Variants in DAB1 observed in about 807,000 individuals in gnomAD.
DAB1 encodes the protein DAB adaptor protein 1, also known as disabled homolog 1.
DAB1 carries 15 observed loss-of-function variants against 64.6 expected under a neutral mutation model. That is an observed-to-expected ratio of 0.23 (90% CI 0.16 to 0.36). The LOEUF is 0.36. DAB1 is among the 10% of genes least tolerant of loss of function. The pLI, the probability that DAB1 is intolerant of heterozygous loss-of-function variation, is 1.00. For missense variants in DAB1, 596 were observed against 706.7 expected (o/e 0.84, Z 1.78); for synonymous variants, 235 against 251.9 (o/e 0.93, Z 0.64).
chr1:57,556,713 T>C (rs1644993101), intron 7 of DAB1, among the ~76,000 whole-genome samples: 1 of 152,242 alleles, frequency 6.6e-6, no homozygotes, highest in Non-Finnish European at 1.5e-5. Flanking sequence ...GTGGAGATTT[T>C]CTCCCACTCT....
intron 4 of DAB1, among the ~76,000 whole-genome samples, chr1:58,320,283 C>G (rs1405884008): frequency 6.6e-6 from 1 of 152,208 alleles, no homozygotes; most frequent in Admixed American, 6.5e-5. Flanking sequence ...CAAGTAAGTT[C>G]TGAAAGCATC....
intron 7 of DAB1, among the ~76,000 whole-genome samples, chr1:57,646,664 G>A (rs1319216008): frequency 3.9e-5 from 6 of 152,234 alleles, no homozygotes; most frequent in East Asian, 1.9e-4. Context: ...TGGGAGGATC[G>A]CTTGAGCCCA....
intron 4 of DAB1, among the ~76,000 whole-genome samples, chr1:57,091,591 A>G (rs148959444): frequency 6.7e-4 from 102 of 152,312 alleles, no homozygotes; most frequent in Non-Finnish European, 9.6e-4. Context: ...TGCTTTTTCT[A>G]TATCATCTTG....
rs1160467857 is a variant in DAB1, at chr1:56,997,646, T to C, written c.*498A>G. On this transcript the variant is annotated 3_prime_UTR_variant, in exon 15 of 15. Transcript: ENST00000371236. ...ACATCATCCTATGTGAAAAGGCATA[T>C]GGATGACGATATTGTGGTCACAGAA... is the stretch of plus-strand genomic sequence containing the variant. The C allele has an allele frequency of 6.6e-6, 1 of 152,168 alleles. No homozygotes were observed. The highest frequency in any genetic ancestry group is 1.5e-5 in the Non-Finnish European group (1 of 68,040). The allele number at this position is 152,168 out of a possible 1,614,324, so 9.4% of individuals were successfully genotyped here. A position where few individuals can be genotyped will look rare whatever the true frequency, so the allele number is the denominator to read the frequency against.
chr1:57,670,359 A>T (rs1036416936), intron 6 of DAB1, among the ~76,000 whole-genome samples: 1 of 152,094 alleles, frequency 6.6e-6, no homozygotes, highest in Admixed American at 6.6e-5. Flanking sequence ...AATCACTGCA[A>T]ACTCCTATGG....
intron 7 of DAB1, among the ~76,000 whole-genome samples, chr1:57,619,933 A>T (rs1645835918): frequency 6.6e-6 from 1 of 152,264 alleles, no homozygotes; most frequent in African/African-American, 2.4e-5. Flanking sequence ...GCAGAACAGG[A>T]CAGCAAGGCT....
At chr1:57,447,710 C>T (rs1032415058) in intron 7 of DAB1, among the ~76,000 whole-genome samples, 1 of 152,114 alleles carries the variant, frequency 6.6e-6, no homozygotes, top group South Asian at 2.1e-4. Flanking sequence ...GTCTCCTTGA[C>T]CTGCGTAGAG....
At chr1:57,202,988 T>A (rs1459969766) in intron 2 of DAB1, among the ~76,000 whole-genome samples, 4 of 152,220 alleles carry the variant, frequency 2.6e-5, no homozygotes, top group African/African-American at 9.6e-5. Context: ...GATAAATGCA[T>A]GTTAGTAACT....
At chr1:57,172,866 T>G (rs1661923722) in intron 2 of DAB1, among the ~76,000 whole-genome samples, 1 of 151,986 alleles carries the variant, frequency 6.6e-6, no homozygotes, top group South Asian at 2.1e-4. Flanking sequence ...GGGTCAAACA[T>G]CCAAGTTATA....
intron 1 of DAB1, among the ~76,000 whole-genome samples, chr1:57,415,246 AACACACACACACACACACACACAC>A (rs111517848): frequency 7.0e-6 from 1 of 143,234 alleles, no homozygotes; most frequent in Non-Finnish European, 1.5e-5. Flanking sequence ...TACCTCACAC[AACACACACACACACACACACACAC>A]ACACACACAC....
intron 5 of DAB1, among the ~76,000 whole-genome samples, chr1:58,062,923 A>G (rs1648593484): frequency 6.6e-6 from 1 of 152,246 alleles, no homozygotes; most frequent in Admixed American, 6.5e-5. Flanking sequence ...AAGTCAGAGA[A>G]GGCCAGAGCC....
chr1:57,925,983 G>A (rs1422286059), intron 5 of DAB1, among the ~76,000 whole-genome samples: 1 of 152,138 alleles, frequency 6.6e-6, no homozygotes, highest in Non-Finnish European at 1.5e-5. Context: ...CATCATATGG[G>A]AGGTCCATTT....
At chr1:57,916,966 G>C (rs1043260152) in intron 5 of DAB1, among the ~76,000 whole-genome samples, 5 of 151,788 alleles carry the variant, frequency 3.3e-5, no homozygotes, top group African/African-American at 1.2e-4. Context: ...AAGTTTTAAT[G>C]AATCATCTAA....
intron 3 of DAB1, among the ~76,000 whole-genome samples, chr1:58,376,428 C>T (rs542415222): frequency 0.01 from 1,360 of 132,322 alleles, 72 homozygotes; most frequent in African/African-American, 0.035. Flanking sequence ...GCCTTCATTT[C>T]CTTATGTACC....
chr1:57,936,000 T>C lies in DAB1; in HGVS notation n.388-51838A>G, dbSNP rs145132444. Among the ~76,000 whole-genome samples the C allele has an allele frequency of 5.9e-3, 896 of 152,366 alleles. 5 individuals carry two copies. The highest frequency in any genetic ancestry group is 0.021 in the African/African-American group (860 of 41,584). On this transcript the variant is annotated intron_variant and non_coding_transcript_variant, in intron 5 of 20. Coordinates refer to the DAB1 transcript ENST00000485760. The stretch of plus-strand genomic sequence containing the variant: ...TTCATCACAGGCTTCATATCTATCC[T>C]GAAGTGTGACCTTGGGACTGTCACT...
intron 1 of DAB1, among the ~76,000 whole-genome samples, chr1:57,853,085 T>C (rs1291599463): frequency 6.6e-6 from 1 of 152,164 alleles, no homozygotes; most frequent in Non-Finnish European, 1.5e-5. Context: ...CACATAGGGT[T>C]AAAAATAACA....
intron 2 of DAB1, among the ~76,000 whole-genome samples, chr1:57,179,962 T>C (rs928526776): frequency 6.6e-6 from 1 of 152,196 alleles, no homozygotes; most frequent in African/African-American, 2.4e-5. Flanking sequence ...ATGTTCTTTT[T>C]GTCCTAGTTT....
intron 7 of DAB1, among the ~76,000 whole-genome samples, chr1:57,648,314 C>T (rs374983907): frequency 7.3e-4 from 111 of 152,228 alleles, no homozygotes; most frequent in Middle Eastern, 3.4e-3. Flanking sequence ...GAGTGTCCCC[C>T]GACCCCAACC....
rs150373839 is a variant in DAB1, at chr1:57,411,705, C to T, written c.-137+12225G>A. Among the ~76,000 whole-genome samples, 14 of 152,326 alleles carry T rather than the reference C, an allele frequency of 9.2e-5. No individual in the cohort carries two copies. The East Asian group carries it at 1.2e-3, about 13-fold the overall frequency. ...CTCTCATTAGCTCCATTCCCTACTC[C>T]GCATCCCCACTGGCCCATTGGGACA... On this transcript the variant is annotated intron_variant, in intron 1 of 14. Transcript: ENST00000371236.
Sources: allele counts gnomAD v4.1 joint callset (sites outside exome capture counted in the v4.1 genomes callset), GRCh38; gene constraint gnomAD v4.1.1; transcripts MANE v1.5; gene names NCBI Gene and HGNC (gene_info 2026-07-23, HGNC 2026-07-21).